AP2B1: variants seen among roughly 807,000 people sequenced by gnomAD.
AP2B1 encodes AP-2 complex subunit beta.
AP2B1 carries 23 observed loss-of-function variants against 102.0 expected under a neutral mutation model. The ratio of observed to expected loss-of-function variants is 0.23; its 90% CI spans 0.16 to 0.32. The LOEUF is 0.32. Ranked by LOEUF, AP2B1 falls within the 10% of genes least tolerant of loss-of-function variation. AP2B1 has a pLI of 1.00. For missense variants in AP2B1, 541 were observed against 1,157.4 expected, an observed-to-expected ratio of 0.47 and a Z score of 7.73; for synonymous variants, 381 against 421.2, an observed-to-expected ratio of 0.90 and a Z score of 1.17.
intron 20 of AP2B1, among the ~76,000 whole-genome samples, chr17:35,716,380 CTG>C (rs1254333143): frequency 3.9e-5 from 6 of 152,212 alleles, no homozygotes; most frequent in Middle Eastern, 3.4e-3. Context: ...CTTTTTGAAA[CTG>C]TAGTCATGAG....
intron 11 of AP2B1, among the ~76,000 whole-genome samples, chr17:35,640,789 C>T (rs2074757531): frequency 6.6e-6 from 1 of 152,176 alleles, no homozygotes. Flanking sequence ...GTAGTTACCA[C>T]TACTTTTTTA....
intron 12 of AP2B1, 36 bp downstream of exon 12, chr17:35,642,011 C>T (rs753019075): frequency 4.0e-6 from 6 of 1,502,700 alleles, no homozygotes; most frequent in Non-Finnish European, 5.6e-6. Flanking sequence ...GTTGATTTGT[C>T]TTGTTTCAAA....
intron 17 of AP2B1, among the ~76,000 whole-genome samples, chr17:35,680,686 G>GTTTTTTTTTGGT (rs2075799059): frequency 3.3e-5 from 2 of 59,930 alleles, no homozygotes; most frequent in African/African-American, 1.5e-4. Flanking sequence ...TATGGTTTTG[G>GTTTTTTTTTGGT]TTTTTTTTTT....
At chr17:35,616,142 C>CTTTTTTTTTTTTTTTTT (rs71152739) in intron 5 of AP2B1, among the ~76,000 whole-genome samples, 1 of 57,400 alleles carries the variant, frequency 1.7e-5, no homozygotes, top group Non-Finnish European at 3.0e-5. Context: ...AAAAATATCT[C>CTTTTTTTTTTTTTTTTT]TTTTTTTTTT....
At chr17:35,638,272 AG>A (rs1212324182) in intron 10 of AP2B1, among the ~76,000 whole-genome samples, 3 of 152,258 alleles carry the variant, frequency 2.0e-5, no homozygotes, top group Non-Finnish European at 4.4e-5. Flanking sequence ...TGGTTTAATC[AG>A]TAAAAGTAGG....
At chr17:35,627,778 C>G (rs1185331912) in intron 9 of AP2B1, 52 bp downstream of exon 9, 1 of 1,428,620 alleles carries the variant, frequency 7.0e-7, no homozygotes, top group African/African-American at 1.4e-5. Context: ...TGAGAGTTCT[C>G]TTCACTTTTT....
intron 13 of AP2B1, among the ~76,000 whole-genome samples, chr17:35,655,384 A>G (rs2075193584): frequency 1.3e-5 from 2 of 152,118 alleles, no homozygotes; most frequent in Non-Finnish European, 2.9e-5. Flanking sequence ...TTCTATCACT[A>G]TAGATTCATT....
intron 5 of AP2B1, among the ~76,000 whole-genome samples, chr17:35,621,007 CTT>C (rs1439559935): frequency 1.3e-5 from 2 of 152,086 alleles, no homozygotes; most frequent in Non-Finnish European, 2.9e-5. Flanking sequence ...ACACCTTTGT[CTT>C]AGTATACAGG....
At chr17:35,655,323 G>A (rs969232484) in intron 13 of AP2B1, among the ~76,000 whole-genome samples, 9 of 152,028 alleles carry the variant, frequency 5.9e-5, no homozygotes, top group Non-Finnish European at 7.4e-5. Flanking sequence ...AAGGTTCCTC[G>A]TGTTCCTTTA....
rs139034593 is a variant in AP2B1 at position 35,653,843 on chromosome 17, G to A, written c.1796+3054G>A. Among the ~76,000 whole-genome samples the A allele has an allele frequency of 9.2e-4, 140 of 152,102 alleles. 1 individual carries two copies. The East Asian group carries it at 0.021, about 23-fold the overall frequency. On this transcript the variant is annotated intron_variant, in intron 13 of 21. Coordinates refer to ENST00000610402, the MANE Select transcript of AP2B1 (RefSeq NM_001030006.2). ...CCTGAGACTCTGGGCATGAGCCACC[G>A]TGCCCAGCCCAGTCCCTTGTTGCTG...
intron 3 of AP2B1, among the ~76,000 whole-genome samples, chr17:35,600,396 G>A (rs1489362342): frequency 2.6e-5 from 4 of 151,794 alleles, no homozygotes; most frequent in African/African-American, 9.7e-5. Flanking sequence ...TCTAGTTTTA[G>A]TGTAACATCA....
At position 35,639,765 on chromosome 17, in the gene AP2B1, G is replaced by A. The variant is rs776927916; in HGVS notation, c.1437+5G>A. ...TTTCACGATGAAAGCACCCAGGTAAGTTCTTGTCTCTTGTCTATCCTAGTA... is the reference window on the plus strand; with the variant it reads ...TTTCACGATGAAAGCACCCAGGTAAATTCTTGTCTCTTGTCTATCCTAGTA... On this transcript the variant is annotated splice_donor_5th_base_variant and intron_variant, in intron 11 of 21. Coordinates refer to ENST00000610402, the MANE Select transcript of AP2B1 (RefSeq NM_001030006.2). 1.2e-6 allele frequency: 2 copies of A among 1,612,898 alleles called. No homozygotes were observed.
intron 20 of AP2B1, among the ~76,000 whole-genome samples, chr17:35,716,368 T>A (rs2076551582): frequency 6.6e-6 from 1 of 152,208 alleles, no homozygotes; most frequent in Non-Finnish European, 1.5e-5. Flanking sequence ...GAACGTTATG[T>A]CCTTTTTGAA....
chr17:35,682,575 C>G, intron 17 of AP2B1, 120 bp from the exon 18 acceptor site: 2 of 916,980 alleles, frequency 2.2e-6, no homozygotes, highest in South Asian at 3.1e-5. Context: ...AACTGCTGAC[C>G]TCAGGTGATT....
At position 35,650,876 on chromosome 17, in the gene AP2B1, G is replaced by T. The variant is rs571341148; in HGVS notation, c.1796+87G>T. 4 of 1,462,194 alleles carry T rather than the reference G, an allele frequency of 2.7e-6. No individual in the cohort carries two copies. The South Asian group carries it at 4.0e-5, about 15-fold the overall frequency. 90.6% of individuals were successfully genotyped at this position (1,462,194 alleles called of 1,614,324 possible). On this transcript the variant is annotated intron_variant, in intron 13 of 21. Coordinates refer to ENST00000610402, the MANE Select transcript of AP2B1 (RefSeq NM_001030006.2). ...CTTTATGCTTTTATAGTCTGGAAAAGAACTGCTGTACATTTTTGCTTCTTT... is the reference window on the plus strand; with the variant it reads ...CTTTATGCTTTTATAGTCTGGAAAATAACTGCTGTACATTTTTGCTTCTTT...
chr17:35,594,115 A>G, intron 2 of AP2B1, 48 bp downstream of exon 2: 1 of 1,370,944 alleles, frequency 7.3e-7, no homozygotes, highest in Non-Finnish European at 1.0e-6. Flanking sequence ...CAAAAGTTGT[A>G]GTGTAAGATT....
chr17:35,691,296 G>A (rs1393076241), intron 18 of AP2B1, among the ~76,000 whole-genome samples: 1 of 152,124 alleles, frequency 6.6e-6, no homozygotes, highest in Non-Finnish European at 1.5e-5. Context: ...ACTCCTACAT[G>A]TAGTTCCAGC....
At chr17:35,681,589 T>C (rs1283383126) in intron 17 of AP2B1, among the ~76,000 whole-genome samples, 1 of 150,798 alleles carries the variant, frequency 6.6e-6, no homozygotes, top group African/African-American at 2.4e-5. Context: ...CTTTTATTAC[T>C]TTTTTTTTGG....
At chr17:35,722,180 G>A (rs587696816) in intron 21 of AP2B1, among the ~76,000 whole-genome samples, 140 of 152,284 alleles carry the variant, frequency 9.2e-4, no homozygotes, top group Non-Finnish European at 1.4e-3. Context: ...GGAGGTGGAG[G>A]TTGCAGTGTA....
Sources: gnomAD v4.1 joint callset for allele counts (sites outside exome capture counted in the v4.1 genomes callset) on GRCh38, gnomAD v4.1.1 for gene constraint, MANE v1.5 for transcripts, NCBI Gene and HGNC (gene_info 2026-07-23, HGNC 2026-07-21) for gene names.